The following ST8SIA5 variants were observed in gnomAD, a reference collection of about 807,000 sequenced individuals.
The protein encoded by ST8SIA5 is ST8 alpha-N-acetyl-neuraminide alpha-2,8-sialyltransferase 5.
ST8SIA5 carries 24 observed loss-of-function variants against 40.2 expected under a neutral mutation model. That is an observed-to-expected ratio of 0.60 (90% CI 0.43 to 0.84). ST8SIA5 has a LOEUF of 0.84. Among genes scored for constraint, ST8SIA5 ranks in the 40% least tolerant of loss-of-function variants. ST8SIA5 has a pLI of 0.00. For missense variants in ST8SIA5, 465 were observed against 498.5 expected, an observed-to-expected ratio of 0.93 and a Z score of 0.64; for synonymous variants, 198 against 201.8, an observed-to-expected ratio of 0.98 and a Z score of 0.16.
chr18:46,685,114 T>C (rs1272406165), intron 5 of ST8SIA5, among the ~76,000 whole-genome samples: 1 of 152,144 alleles, frequency 6.6e-6, no homozygotes, highest in Non-Finnish European at 1.5e-5. Context: ...CTTATCCCCA[T>C]TTTGCAGATG....
At chr18:46,731,464 G>A (rs2039983981) in intron 1 of ST8SIA5, among the ~76,000 whole-genome samples, 1 of 152,172 alleles carries the variant, frequency 6.6e-6, no homozygotes, top group Non-Finnish European at 1.5e-5. Flanking sequence ...TGAGCACCGG[G>A]CTCAGGGCCC....
At chr18:46,699,339 G>A (rs567565792) in intron 2 of ST8SIA5, among the ~76,000 whole-genome samples, 16 of 152,190 alleles carry the variant, frequency 1.1e-4, no homozygotes, top group African/African-American at 3.9e-4. Context: ...TAATTGTAAT[G>A]AAATGAGAGT....
intron 1 of ST8SIA5, among the ~76,000 whole-genome samples, chr18:46,742,881 C>T (rs570111293): frequency 3.2e-4 from 48 of 152,328 alleles, no homozygotes; most frequent in African/African-American, 1.2e-3. Flanking sequence ...GATCAGGCAG[C>T]AATATTTGCT....
chr18:46,701,011 G>T (rs1311328149), intron 2 of ST8SIA5, among the ~76,000 whole-genome samples: 7 of 152,050 alleles, frequency 4.6e-5, no homozygotes, highest in Admixed American at 4.6e-4. Context: ...TTTCTAATCT[G>T]GCCCTAAATG....
At chr18:46,738,911 C>G (rs767442385) in intron 1 of ST8SIA5, among the ~76,000 whole-genome samples, 21 of 152,212 alleles carry the variant, frequency 1.4e-4, no homozygotes, top group Non-Finnish European at 1.5e-4. Context: ...TAGCCACATG[C>G]AGGCAGCCCA....
At chr18:46,688,688 G>A (rs574312496) in intron 4 of ST8SIA5, 87 bp downstream of exon 4, 1 of 1,511,222 alleles carries the variant, frequency 6.6e-7, no homozygotes, top group African/African-American at 1.4e-5. Flanking sequence ...GAGTGAGTCA[G>A]GCAAAACCCC....
chr18:46,697,235 T>A (rs574037232), intron 2 of ST8SIA5, among the ~76,000 whole-genome samples: 2 of 152,260 alleles, frequency 1.3e-5, no homozygotes, highest in South Asian at 4.1e-4. Flanking sequence ...TCCTATCAGT[T>A]TTTATTTCAA....
intron 5 of ST8SIA5, 29 bp from the exon 6 acceptor site, chr18:46,682,093 G>C (rs1490704090): frequency 1.3e-6 from 2 of 1,577,688 alleles, no homozygotes; most frequent in African/African-American, 1.4e-5. Context: ...AGCCCAAGGT[G>C]GTTGGTCATT....
intron 1 of ST8SIA5, among the ~76,000 whole-genome samples, chr18:46,706,204 A>C (rs2039668778): frequency 6.6e-6 from 1 of 152,118 alleles, no homozygotes; most frequent in African/African-American, 2.4e-5. Flanking sequence ...TTCCACAACA[A>C]ATTGGTCCCT....
chr18:46,700,012 G>A (rs2039595903), intron 2 of ST8SIA5, among the ~76,000 whole-genome samples: 1 of 152,216 alleles, frequency 6.6e-6, no homozygotes, highest in Admixed American at 6.5e-5. Flanking sequence ...ACGCTGGCCT[G>A]GGGAATTCTC....
chr18:46,730,605 G>A (rs2039976514), intron 1 of ST8SIA5, among the ~76,000 whole-genome samples: 1 of 152,164 alleles, frequency 6.6e-6, no homozygotes, highest in Non-Finnish European at 1.5e-5. Flanking sequence ...GGCCAAGGCA[G>A]GGGGATAGCT....
At chr18:46,681,851 G>A (rs778129551) in intron 6 of ST8SIA5, 121 bp downstream of exon 6, 3 of 900,856 alleles carry the variant, frequency 3.3e-6, no homozygotes, top group East Asian at 5.5e-5. Context: ...GAAACCCAGT[G>A]TGTGTTTTAC....
chr18:46,673,662 GACTGTAGATCTAT>G lies in ST8SIA5; in HGVS notation c.*6367_*6379del, dbSNP rs1174894780. ...AAACCCATGTGATCTTCAAAGGGTA[GACTGTAGATCTAT>G]ACTGTAGATCTATACTGTAGGTCTA... On this transcript the variant is annotated 3_prime_UTR_variant, in exon 7 of 7. Coordinates refer to ENST00000315087, the MANE Select transcript of ST8SIA5 (RefSeq NM_013305.6). 1.1e-4 allele frequency: 17 copies of G among 152,022 alleles called. No individual in the cohort carries two copies. Among genetic ancestry groups the G allele is most frequent in the East Asian group, 5.8e-4 (3 of 5,130 alleles). 9.4% of individuals were successfully genotyped at this position (152,022 alleles called of 1,614,324 possible).
At chr18:46,724,791 T>C (rs1362489700) in intron 1 of ST8SIA5, among the ~76,000 whole-genome samples, 1 of 152,016 alleles carries the variant, frequency 6.6e-6, no homozygotes, top group African/African-American at 2.4e-5. Context: ...CTAGCCAACA[T>C]GGTGAAACCC....
intron 1 of ST8SIA5, among the ~76,000 whole-genome samples, chr18:46,704,988 G>C (rs895083409): frequency 2.0e-5 from 3 of 152,244 alleles, no homozygotes; most frequent in African/African-American, 7.2e-5. Flanking sequence ...GAGGAGGAGG[G>C]ATGCTGTGTG....
chr18:46,730,728 G>A (rs1169693303), intron 1 of ST8SIA5, among the ~76,000 whole-genome samples: 2 of 152,170 alleles, frequency 1.3e-5, no homozygotes, highest in Non-Finnish European at 2.9e-5. Context: ...TTGAGCACAG[G>A]AGGTTGAGGC....
chr18:46,743,051 G>A (rs182518865), intron 1 of ST8SIA5, among the ~76,000 whole-genome samples: 7 of 152,256 alleles, frequency 4.6e-5, no homozygotes, highest in East Asian at 3.9e-4. Context: ...ACACCAAAAC[G>A]CCATTTGTAG....
chr18:46,751,975 C>G (rs945291705), intron 1 of ST8SIA5, among the ~76,000 whole-genome samples: 3 of 152,146 alleles, frequency 2.0e-5, no homozygotes, highest in Non-Finnish European at 4.4e-5. Flanking sequence ...CTGTCACCCT[C>G]CCCGCTCCCT....
rs374948706 is a variant in ST8SIA5, at chr18:46,741,976, C to A, written c.131+14402G>T. ...AATTAGCTGGGCATGGTGGCGCATG[C>A]CTGTAATCCCAGCTTCTCGGGAGGC... is the stretch of plus-strand genomic sequence containing the variant. On this transcript the variant is annotated intron_variant, in intron 1 of 6. Coordinates refer to ENST00000315087, the MANE Select transcript of ST8SIA5 (RefSeq NM_013305.6). Among the ~76,000 whole-genome samples the A allele has an allele frequency of 7.2e-4, 109 of 152,078 alleles. 1 individual carries two copies. The South Asian group carries it at 0.021, about 30-fold the overall frequency.
Sources: gnomAD v4.1 joint callset for allele counts (sites outside exome capture counted in the v4.1 genomes callset) on GRCh38, gnomAD v4.1.1 for gene constraint, MANE v1.5 for transcripts, NCBI Gene and HGNC (gene_info 2026-07-23, HGNC 2026-07-21) for gene names.